Variants in PRSS23 observed in about 807,000 individuals in gnomAD.
PRSS23 encodes the protein protease, serine 23.
A neutral mutation model predicts 34.7 loss-of-function variants in PRSS23; 25 were observed. That is an observed-to-expected ratio of 0.72 (90% confidence interval 0.53 to 1.01). The LOEUF (loss-of-function observed/expected upper bound fraction) is 1.01. Ranked by LOEUF, PRSS23 falls within the 50% of genes least tolerant of loss-of-function variation. The pLI is 0.00. For missense variants in PRSS23, 445 were observed against 475.6 expected (o/e 0.94, Z 0.60); for synonymous variants, 176 against 186.6 (o/e 0.94, Z 0.46).
chr11:86,859,001 T>G (rs1426129436), intron 2 of PRSS23, among the ~76,000 whole-genome samples: 2 of 151,702 alleles, frequency 1.3e-5, no homozygotes, highest in African/African-American at 4.9e-5. Context: ...AGGATGATAC[T>G]ACTCCCAATA....
At chr11:86,800,398 G>A (rs1948016299), upstream of PRSS23, 2 of 960,738 alleles carry the variant, frequency 2.1e-6, no homozygotes, top group Non-Finnish European at 2.5e-6. Flanking sequence ...GCAGGCGAGC[G>A]GCGAGGGGAG....
At chr11:86,940,777 C>T (rs1949202198) in intron 2 of PRSS23, 1 of 152,246 alleles carries the variant, frequency 6.6e-6, no homozygotes, top group African/African-American at 2.4e-5. Context: ...TTTATTCACA[C>T]ATTTATCCTT....
chr11:86,895,138 CA>C (rs1407030358), intron 2 of PRSS23, among the ~76,000 whole-genome samples: 3 of 152,148 alleles, frequency 2.0e-5, no homozygotes, highest in African/African-American at 7.2e-5. Context: ...AAGATTTAAT[CA>C]AATATAAGGA....
Position 86,857,205 on chromosome 11 carries a change from T to C in PRSS23, c.206+33612T>C, listed in dbSNP as rs552413010. On this transcript the variant is annotated intron_variant, in intron 2 of 2. Coordinates refer to the PRSS23 transcript ENST00000533902. ...ATGCCACCACTCCATTCCTGGGAGATGATGACACAGCTGAAGTCAGGTACA... is the reference window on the plus strand; with the variant it reads ...ATGCCACCACTCCATTCCTGGGAGACGATGACACAGCTGAAGTCAGGTACA... 6.0e-4 allele frequency: 192 copies of C among 317,838 alleles called. 4 individuals carry two copies. In the South Asian group the frequency reaches 6.9e-3, roughly 11 times the overall value. The allele number at this position is 317,838 out of a possible 1,614,324, so 19.7% of individuals were successfully genotyped here. A position where few individuals can be genotyped will look rare whatever the true frequency, so the allele number is the denominator to read the frequency against.
intron 2 of PRSS23, among the ~76,000 whole-genome samples, chr11:86,836,296 T>C (rs895705740): frequency 3.3e-5 from 5 of 152,110 alleles, no homozygotes; most frequent in Non-Finnish European, 7.4e-5. Context: ...CTTAACAATC[T>C]TTTGGAGTCC....
intron 2 of PRSS23, among the ~76,000 whole-genome samples, chr11:86,861,655 G>A (rs1432565514): frequency 6.6e-6 from 1 of 151,402 alleles, no homozygotes; most frequent in Non-Finnish European, 1.5e-5. Context: ...TGCAGGGAGT[G>A]TACACCCCCC....
intron 2 of PRSS23, chr11:86,949,605 T>C (rs905783616): frequency 6.6e-5 from 10 of 152,636 alleles, no homozygotes; most frequent in African/African-American, 2.2e-4. Flanking sequence ...CCAGTTACAG[T>C]TTTAAGAGAA....
exon 3 of PRSS23, chr11:86,952,565 A>C: frequency 2.2e-6 from 3 of 1,375,732 alleles, no homozygotes; most frequent in Non-Finnish European, 3.1e-6. Flanking sequence ...GCTTCCAGGC[A>C]ATCTAGGTAT....
chr11:86,805,398 T>G (rs1330600407), intron 1 of PRSS23, among the ~76,000 whole-genome samples: 5 of 152,214 alleles, frequency 3.3e-5, no homozygotes, highest in Non-Finnish European at 7.3e-5. Flanking sequence ...CCTAGTCCAC[T>G]TAAAACCTTT....
chr11:86,840,985 C>G (rs1345841458), intron 2 of PRSS23, among the ~76,000 whole-genome samples: 1 of 151,974 alleles, frequency 6.6e-6, no homozygotes, highest in African/African-American at 2.4e-5. Context: ...ATTTATAGCA[C>G]TAAATGCCCA....
chr11:86,899,910 T>A lies in PRSS23; in HGVS notation c.207-51306T>A, dbSNP rs1948900235. Among the ~76,000 whole-genome samples, 10 of 151,516 alleles carry A rather than the reference T, an allele frequency of 6.6e-5. No individual in the cohort carries two copies. The South Asian group carries it at 2.1e-3, about 32-fold the overall frequency. On this transcript the variant is annotated intron_variant, in intron 2 of 2. Transcript: ENST00000533902. ...GGAAGAGAAACACATAAGTGACAAG[T>A]GACACTGAAAAGGCTAGATTTTTAA...
intron 1 of PRSS23, among the ~76,000 whole-genome samples, chr11:86,805,036 T>C (rs1295969645): frequency 6.6e-6 from 1 of 152,190 alleles, no homozygotes; most frequent in Non-Finnish European, 1.5e-5. Context: ...TGGCTTACCA[T>C]GTGCTCAATG....
chr11:86,808,516 G>A lies in PRSS23; in HGVS notation c.873G>A (p.Val291=), dbSNP rs141531516. ...GYDNDRPGNL[V]YRFCDVKDET... ...ACAATGACCGACCAGGCAATTTGGT[G>A]TATCGCTTCTGTGACGTCAAAGACG... The change falls in exon 2 of 2, where the codon GTG becomes GTA. Residue 291 remains valine, a synonymous_variant. Transcript: ENST00000280258. The A allele has an allele frequency of 1.3e-5, 21 of 1,614,120 alleles. No homozygotes were observed. In the African/African-American group the frequency reaches 1.7e-4, roughly 13 times the overall value.
At chr11:86,894,660 A>C (rs949535117) in intron 2 of PRSS23, among the ~76,000 whole-genome samples, 1 of 152,208 alleles carries the variant, frequency 6.6e-6, no homozygotes, top group East Asian at 1.9e-4. Context: ...AGGGAAAATC[A>C]AGCTGAAGAA....
At chr11:86,828,821 C>T (rs1203180753) in intron 2 of PRSS23, among the ~76,000 whole-genome samples, 5 of 152,284 alleles carry the variant, frequency 3.3e-5, no homozygotes, top group African/African-American at 1.2e-4. Flanking sequence ...TGAATATTGG[C>T]CCCCACTCTC....
exon 2 of PRSS23, chr11:86,823,463 A>T (rs1458875516): frequency 1.4e-6 from 1 of 702,460 alleles, no homozygotes; most frequent in South Asian, 1.5e-5. Flanking sequence ...AGAGGGCTCA[A>T]CAGTTTCGAA....
chr11:86,830,432 C>A (rs573355312), intron 2 of PRSS23, among the ~76,000 whole-genome samples: 1 of 152,184 alleles, frequency 6.6e-6, no homozygotes, highest in Non-Finnish European at 1.5e-5. Flanking sequence ...CTCCCTGACC[C>A]TTTGCGCTTC....
chr11:86,861,200 C>A (rs1429118504), intron 2 of PRSS23, among the ~76,000 whole-genome samples: 2 of 150,604 alleles, frequency 1.3e-5, no homozygotes, highest in East Asian at 2.0e-4. Flanking sequence ...GGTGTCCACC[C>A]TCCTGTGATA....
At chr11:86,811,607 G>A (rs1023733285), downstream of PRSS23, among the ~76,000 whole-genome samples, 1 of 152,144 alleles carries the variant, frequency 6.6e-6, no homozygotes, top group African/African-American at 2.4e-5. Context: ...AGTTGTATGT[G>A]TAATCTTTCT....
Sources: gnomAD v4.1 joint callset for allele counts (sites outside exome capture counted in the v4.1 genomes callset) on GRCh38, gnomAD v4.1.1 for gene constraint, MANE v1.5 for transcripts, NCBI Gene and HGNC (gene_info 2026-07-23, HGNC 2026-07-21) for gene names.